Variants in TMEM248 observed in about 807,000 individuals in gnomAD.
TMEM248 encodes transmembrane protein 248, also known as UPF0458 protein C7orf42.
TMEM248 carries 9 observed loss-of-function variants against 30.3 expected under a neutral mutation model. That is an observed-to-expected ratio of 0.30 (90% CI 0.18 to 0.52). The LOEUF is 0.52. TMEM248 is among the 20% of genes least tolerant of loss of function. The probability of loss-of-function intolerance (pLI) is 0.97; values close to 1 mark genes in which losing one functional copy is unlikely to be tolerated. For synonymous variants in TMEM248, 184 were observed against 154.4 expected, an observed-to-expected ratio of 1.19 and a Z score of -1.42; for missense variants, 338 against 403.3, an observed-to-expected ratio of 0.84 and a Z score of 1.39.
At chr7:66,946,544 C>T (rs534949447) in intron 3 of TMEM248, among the ~76,000 whole-genome samples, 2 of 151,670 alleles carry the variant, frequency 1.3e-5, no homozygotes, top group African/African-American at 2.4e-5. Context: ...CATGCCACTG[C>T]ACTCCAGTCT....
intron 1 of TMEM248, 51 bp from the exon 2 acceptor site, chr7:66,941,797 G>C: frequency 6.7e-7 from 1 of 1,503,110 alleles, no homozygotes; most frequent in South Asian, 1.3e-5. Flanking sequence ...AAGAATCATA[G>C]CTTTCCTGTT....
rs56128303 is a variant in TMEM248 at position 66,945,090 on chromosome 7, G to A, written c.274G>A (p.Gly92Arg). ...TTTPESTMTS[G>R]QARASTQSPQ... is the part of the protein sequence containing the mutation. ...AACTCCGGAAAGTACAATGACCAGC[G>A]GGCAGGCCCGAGCTTCCACCCAGTC... Residue 92 changes from glycine to arginine, a missense_variant, in exon 3 of 7, where the codon GGG becomes AGG. Transcript: ENST00000341567. 1.2e-4 allele frequency: 194 copies of A among 1,614,214 alleles called. No homozygotes were observed. Among genetic ancestry groups the A allele is most frequent in the Admixed American group, 1.5e-4 (9 of 60,024 alleles).
chr7:66,937,665 C>T (rs574455893), intron 1 of TMEM248, among the ~76,000 whole-genome samples: 1 of 152,152 alleles, frequency 6.6e-6, no homozygotes, highest in Non-Finnish European at 1.5e-5. Context: ...TACTTCTGCT[C>T]TGCGCTTTTT....
rs201660268 is a variant in TMEM248 at position 66,950,945 on chromosome 7, C to T, written c.597-7C>T. The T allele has an allele frequency of 3.9e-6, 6 of 1,553,550 alleles. No individual in the cohort carries two copies. Among genetic ancestry groups the T allele is most frequent in the Non-Finnish European group, 5.2e-6 (6 of 1,149,126 alleles). Reference sequence around the variant, plus strand: ...CACGTGTCTTTCCTCCTCCTCTTCTCCTGCAGACAGCCACCGCACTGTGTT... The same window carrying T: ...CACGTGTCTTTCCTCCTCCTCTTCTTCTGCAGACAGCCACCGCACTGTGTT... On this transcript the variant is annotated splice_region_variant and splice_polypyrimidine_tract_variant and intron_variant, in intron 4 of 6. Transcript: ENST00000341567.
rs1245131882 is a variant in TMEM248, at chr7:66,925,759, AG to A, written c.-19+4299del. On this transcript the variant is annotated intron_variant, in intron 1 of 6. Coordinates refer to ENST00000341567, the MANE Select transcript of TMEM248 (RefSeq NM_017994.5). ...TGGATTCAAGCGATTCTCCTGCCTCAGCCTCCCGAGTAGCTGAGATTACAGG... is the reference window on the plus strand; with the variant it reads ...TGGATTCAAGCGATTCTCCTGCCTCACCTCCCGAGTAGCTGAGATTACAGG... 2.7e-5 allele frequency among the ~76,000 whole-genome samples: 4 copies of A among 148,806 alleles called. No homozygotes were observed. In the South Asian group the frequency reaches 6.4e-4, roughly 24 times the overall value.
intron 2 of TMEM248, among the ~76,000 whole-genome samples, chr7:66,943,974 T>C (rs1272962627): frequency 6.6e-6 from 1 of 152,210 alleles, no homozygotes; most frequent in East Asian, 1.9e-4. Context: ...TTTGTATTTT[T>C]AGTAGAGACA....
Position 66,948,694 on chromosome 7 carries a change from T to C in TMEM248, c.596T>C (p.Val199Ala). The C allele has an allele frequency of 2.5e-6, 4 of 1,603,546 alleles. No individual in the cohort carries two copies. The highest frequency in any genetic ancestry group is 3.4e-6 in the Non-Finnish European group (4 of 1,171,482). ...TASPGVFPVT[V>A]QPPHCVPDTY... ...AGCCCTGGGGTGTTCCCCGTCACTG[T>C]GTAAGTGTACCCGGCACCTGATGAA... The change falls in exon 4 of 7, where the codon GTA (valine) becomes GCA (alanine). Residue 199 changes from valine to alanine, a missense_variant and splice_region_variant. Physicochemically the swap from Val to Ala is moderately conservative, Grantham distance 64 (BLOSUM62 0). Coordinates refer to ENST00000341567, the MANE Select transcript of TMEM248 (RefSeq NM_017994.5).
At chr7:66,936,482 C>A (rs1791806946) in intron 1 of TMEM248, among the ~76,000 whole-genome samples, 1 of 151,896 alleles carries the variant, frequency 6.6e-6, no homozygotes. Flanking sequence ...AGATTTACAA[C>A]AATCTTCATC....
At position 66,953,242 on chromosome 7, in the gene TMEM248, T is replaced by C; in HGVS notation, c.797T>C (p.Ile266Thr). ...VIVPDDDRSL[I>T]NLHLMHTSYF... Reference sequence around the variant, plus strand: ...TTTATTTAGGATGACCGTTCATTAATAAATTTGCATCTCATGCACACCAGT... The same window carrying C: ...TTTATTTAGGATGACCGTTCATTAACAAATTTGCATCTCATGCACACCAGT... The change falls in exon 6 of 7, where the codon ATA becomes ACA. Residue 266 changes from isoleucine (I) to threonine (T), a missense_variant. Coordinates refer to ENST00000341567, the MANE Select transcript of TMEM248 (RefSeq NM_017994.5). The C allele has an allele frequency of 6.2e-7, 1 of 1,614,108 alleles. No individual in the cohort carries two copies. Among genetic ancestry groups the C allele is most frequent in the East Asian group, 2.2e-5 (1 of 44,872 alleles).
chr7:66,958,442 T>C lies in TMEM248; in HGVS notation c.*2920T>C, dbSNP rs943942890. On this transcript the variant is annotated 3_prime_UTR_variant, in exon 7 of 7. Transcript: ENST00000341567. ...AGGGCCAGTGGGTCCATTTCACCTC[T>C]TGCTGCATGATGGTCAGTAGCTGAT... 1.3e-5 allele frequency: 2 copies of C among 152,764 alleles called. No homozygotes were observed. The highest frequency in any genetic ancestry group is 4.8e-5 in the African/African-American group (2 of 41,482). 9.5% of individuals were successfully genotyped at this position (152,764 alleles called of 1,614,324 possible).
Position 66,955,648 on chromosome 7 carries a change from C to T in TMEM248, c.*126C>T. The T allele has an allele frequency of 8.8e-7, 1 of 1,141,826 alleles. No individual in the cohort carries two copies. The highest frequency in any genetic ancestry group is 1.3e-6 in the Non-Finnish European group (1 of 784,026). 70.7% of individuals were successfully genotyped at this position (1,141,826 alleles called of 1,614,324 possible). On this transcript the variant is annotated 3_prime_UTR_variant, in exon 7 of 7. Transcript: ENST00000341567. ...GATGTTGGGTTATTCCAGCCAAAGA[C>T]ATTTCAAGTGCCTGTAACTGATTTG... is the stretch of plus-strand genomic sequence containing the variant.
rs749311181 is a variant in TMEM248 at position 66,951,116 on chromosome 7, T to G, written c.761T>G (p.Leu254Arg). Residue 254 changes from leucine (L) to arginine (R), a missense_variant, in exon 5 of 7, where the codon CTT (leucine) becomes CGT (arginine). Coordinates refer to ENST00000341567, the MANE Select transcript of TMEM248 (RefSeq NM_017994.5). ...GTCTATCATGCTTTAAATCCCAAGCTTACAGTGATTGTTCCAGATGTAAGT... is the reference window on the plus strand; with the variant it reads ...GTCTATCATGCTTTAAATCCCAAGCGTACAGTGATTGTTCCAGATGTAAGT... ...GKVYHALNPK[L>R]TVIVPDDDRS... is the part of the protein sequence containing the mutation. 50 of 1,592,000 alleles carry G rather than the reference T, an allele frequency of 3.1e-5. No individual in the cohort carries two copies. The highest frequency in any genetic ancestry group is 3.8e-5 in the Non-Finnish European group (44 of 1,169,792).
At chr7:66,946,265 AAAAG>A (rs200597295) in intron 3 of TMEM248, among the ~76,000 whole-genome samples, 2,196 of 151,862 alleles carry the variant, frequency 0.014, 56 homozygotes, top group East Asian at 0.091. Flanking sequence ...CCATCTCAAA[AAAAG>A]AAAAGAAAAG....
chr7:66,929,493 G>C (rs1791613446), intron 1 of TMEM248, among the ~76,000 whole-genome samples: 1 of 136,904 alleles, frequency 7.3e-6, no homozygotes, highest in Admixed American at 8.4e-5. Flanking sequence ...CTGGAGTTCA[G>C]TGGCTTGATT....
rs1332855328 is a variant in TMEM248 at position 66,957,837 on chromosome 7, T to C, written c.*2315T>C. ...GAAGTGCCAAAAATGCCTGGACAGA[T>C]GGCTTGTCCCAAGGCCAGGACACAC... On this transcript the variant is annotated 3_prime_UTR_variant, in exon 7 of 7. Transcript: ENST00000341567. 6.6e-6 allele frequency: 1 copy of C among 152,222 alleles called. No homozygotes were observed. Among genetic ancestry groups the C allele is most frequent in the Non-Finnish European group, 1.5e-5 (1 of 68,038 alleles). The allele number at this position is 152,222 out of a possible 1,614,324, so 9.4% of individuals were successfully genotyped here. A position where few individuals can be genotyped will look rare whatever the true frequency, so the allele number is the denominator to read the frequency against.
chr7:66,954,939 A>G (rs1359855244), intron 6 of TMEM248, among the ~76,000 whole-genome samples: 2 of 152,176 alleles, frequency 1.3e-5, no homozygotes, highest in Non-Finnish European at 2.9e-5. Context: ...TTCCATCAGC[A>G]TAAGAAGTCT....
At chr7:66,954,172 G>A (rs1434227220) in intron 6 of TMEM248, among the ~76,000 whole-genome samples, 1 of 151,110 alleles carries the variant, frequency 6.6e-6, no homozygotes, top group East Asian at 2.0e-4. Flanking sequence ...TCGAACTGCT[G>A]TTATCAAGTG....
rs780163709 is a variant in TMEM248 at position 66,948,525 on chromosome 7, A to C, written c.446-19A>C. ...TACGTGGTTCTTGACTTTATAAAAA[A>C]ATGATTTCTCTTTCATAGGCAGGGA... On this transcript the variant is annotated intron_variant, in intron 3 of 6. Transcript: ENST00000341567. 5 of 1,608,162 alleles carry C rather than the reference A, an allele frequency of 3.1e-6. No individual in the cohort carries two copies. Among genetic ancestry groups the C allele is most frequent in the Admixed American group, 1.7e-5 (1 of 58,928 alleles).
At chr7:66,931,827 CAG>C (rs1791675863) in intron 1 of TMEM248, among the ~76,000 whole-genome samples, 1 of 89,464 alleles carries the variant, frequency 1.1e-5, no homozygotes, top group African/African-American at 4.8e-5. Context: ...TTTTTTGAGG[CAG>C]AGTCTCGCTC....
Sources: allele counts gnomAD v4.1 joint callset (sites outside exome capture counted in the v4.1 genomes callset), GRCh38; gene constraint gnomAD v4.1.1; transcripts MANE v1.5; gene names NCBI Gene and HGNC (gene_info 2026-07-23, HGNC 2026-07-21).